The following EFR3A variants were observed in gnomAD, a reference collection of about 807,000 sequenced individuals.
The protein encoded by EFR3A is protein EFR3 homolog A.
EFR3A carries 76 observed loss-of-function variants against 104.4 expected under a neutral mutation model. That is an observed-to-expected ratio of 0.73 (90% CI 0.60 to 0.88). The LOEUF is 0.88. Among genes scored for constraint, EFR3A ranks in the 40% least tolerant of loss-of-function variants. The pLI is 0.00. For synonymous variants in EFR3A, 330 were observed against 330.0 expected (o/e 1.00, Z 0.00); for missense variants, 985 against 1,012.5 (o/e 0.97, Z 0.37).
At chr8:131,921,955 G>A (rs1817055342) in intron 1 of EFR3A, among the ~76,000 whole-genome samples, 1 of 152,186 alleles carries the variant, frequency 6.6e-6, no homozygotes, top group Admixed American at 6.5e-5. Context: ...AGCACAAACT[G>A]GGTGGCTTAA....
In EFR3A at chr8:131,987,650, A is replaced by C; in HGVS notation, c.2013A>C (p.Gly671=). The change falls in exon 18 of 23, where the codon GGA becomes GGC. Residue 671 remains glycine (G), a synonymous_variant. Transcript: ENST00000254624. ...ACAAGATTGCAGAGTCGCTAGGTGG[A>C]AGTGGATATAGTGTTGAGAGATTGT... ...LTNKIAESLG[G]SGYSVERLSV... 1 of 1,597,290 alleles carries C rather than the reference A, an allele frequency of 6.3e-7. No individual in the cohort carries two copies. Among genetic ancestry groups the C allele is most frequent in the Non-Finnish European group, 8.5e-7 (1 of 1,170,820 alleles).
At position 132,003,242 on chromosome 8, in the gene EFR3A, T is replaced by A. The variant is rs1256323601; in HGVS notation, c.2317T>A (p.Leu773Met). Residue 773 changes from leucine (L) to methionine (M), a missense_variant, in exon 22 of 23, where the codon TTG becomes ATG. Leu to Met is a conservative substitution (Grantham distance 15). Transcript: ENST00000254624. ...ATTTTTTTCTTTTTTGCAGGCAAATTTGCTTCATGATAGACTTGCCCAAAT... is the reference window on the plus strand; with the variant it reads ...ATTTTTTTCTTTTTTGCAGGCAAATATGCTTCATGATAGACTTGCCCAAAT... Reference protein sequence around the residue: ...IAAQCESKANLLHDRLAQILE... With the variant: ...IAAQCESKANMLHDRLAQILE... 1 of 1,612,562 alleles carries A rather than the reference T, an allele frequency of 6.2e-7. No individual in the cohort carries two copies. The highest frequency in any genetic ancestry group is 8.5e-7 in the Non-Finnish European group (1 of 1,179,208).
At chr8:131,938,791 A>AG (rs1276354572) in intron 1 of EFR3A, among the ~76,000 whole-genome samples, 1 of 152,146 alleles carries the variant, frequency 6.6e-6, no homozygotes, top group Non-Finnish European at 1.5e-5. Flanking sequence ...GATCCTCCCC[A>AG]GCTGGGTGTT....
At chr8:132,002,579 A>G (rs2130805905) in intron 20 of EFR3A, 24 bp from the exon 21 acceptor site, 1 of 1,568,012 alleles carries the variant, frequency 6.4e-7, no homozygotes, top group Non-Finnish European at 8.8e-7. Flanking sequence ...TCCCTTTAAT[A>G]AGTCTTTATA....
chr8:131,955,862 G>T lies in EFR3A; in HGVS notation c.733G>T (p.Ala245Ser). 6.2e-7 allele frequency: 1 copy of T among 1,613,476 alleles called. No homozygotes were observed. Residue 245 changes from alanine to serine, a missense_variant, in exon 7 of 23, where the codon GCA becomes TCA. Transcript: ENST00000254624. ...ENCFRELLGR[A>S]TFGNMNNAVR... is the part of the protein sequence containing the mutation. Reference sequence around the variant, plus strand: ...CTGTTTCAGAGAACTGCTGGGTCGAGCAACTTTTGGGAATATGAATAATGC... The same window carrying T: ...CTGTTTCAGAGAACTGCTGGGTCGATCAACTTTTGGGAATATGAATAATGC...
At chr8:131,971,637 G>A (rs564640643) in intron 10 of EFR3A, among the ~76,000 whole-genome samples, 4 of 151,036 alleles carry the variant, frequency 2.6e-5, no homozygotes, top group East Asian at 2.0e-4. Context: ...GCAGTGAGCC[G>A]AGATGGCGCC....
intron 8 of EFR3A, among the ~76,000 whole-genome samples, chr8:131,962,357 G>A (rs1049231917): frequency 1.3e-5 from 2 of 152,174 alleles, no homozygotes; most frequent in African/African-American, 2.4e-5. Flanking sequence ...ATAAAGGGAT[G>A]GAGGAAGATC....
At chr8:131,973,971 G>T (rs1820202476) in intron 10 of EFR3A, among the ~76,000 whole-genome samples, 1 of 152,000 alleles carries the variant, frequency 6.6e-6, no homozygotes, top group Admixed American at 6.6e-5. Flanking sequence ...TTATTTTTAG[G>T]TCTTTAATAG....
rs1336260468 is a variant in EFR3A at position 131,970,473 on chromosome 8, T to C, written c.992-3T>C. 1 of 1,612,916 alleles carries C rather than the reference T, an allele frequency of 6.2e-7. No homozygotes were observed. The highest frequency in any genetic ancestry group is 8.5e-7 in the Non-Finnish European group (1 of 1,179,316). ...ATCTTCTCACATAAGTGATCCTTTA[T>C]AGGTCCGACAGTGCTGGAAGTCTTC... On this transcript the variant is annotated splice_polypyrimidine_tract_variant and splice_region_variant and intron_variant, in intron 9 of 22. Transcript: ENST00000254624.
intron 7 of EFR3A, among the ~76,000 whole-genome samples, chr8:131,956,299 A>G (rs993780211): frequency 2.0e-5 from 3 of 152,090 alleles, no homozygotes; most frequent in African/African-American, 4.8e-5. Flanking sequence ...TCTTTTTGCC[A>G]TGGCTGGGCT....
intron 19 of EFR3A, among the ~76,000 whole-genome samples, chr8:131,998,502 A>G (rs111439812): frequency 0.015 from 2,220 of 152,136 alleles, 64 homozygotes; most frequent in African/African-American, 0.049. Context: ...CCCTAAACTC[A>G]AATTGTTACT....
At chr8:131,963,169 G>C (rs1032556105) in intron 8 of EFR3A, among the ~76,000 whole-genome samples, 14 of 152,144 alleles carry the variant, frequency 9.2e-5, no homozygotes, top group African/African-American at 3.4e-4. Flanking sequence ...AACTAGAGAA[G>C]CAAGAGCAAA....
At chr8:132,002,780 A>G (rs950430588) in intron 21 of EFR3A, 74 bp downstream of exon 21, 7 of 1,218,726 alleles carry the variant, frequency 5.7e-6, no homozygotes, top group African/African-American at 4.5e-5. Flanking sequence ...TGATTAGTTG[A>G]TAAGTTCCAA....
chr8:131,957,570 G>A (rs1170547570), intron 7 of EFR3A, among the ~76,000 whole-genome samples: 2 of 152,004 alleles, frequency 1.3e-5, no homozygotes, highest in Non-Finnish European at 1.5e-5. Flanking sequence ...GGCTGGTCTC[G>A]AGCTCCCAAC....
intron 1 of EFR3A, among the ~76,000 whole-genome samples, chr8:131,909,047 A>G (rs1369964463): frequency 6.6e-6 from 1 of 152,200 alleles, no homozygotes; most frequent in Non-Finnish European, 1.5e-5. Flanking sequence ...GTTATTAACT[A>G]TAGTCATCCT....
intron 1 of EFR3A, among the ~76,000 whole-genome samples, chr8:131,905,471 T>G (rs972354947): frequency 1.3e-5 from 2 of 152,196 alleles, no homozygotes; most frequent in African/African-American, 4.8e-5. Flanking sequence ...TTTTTGAGAT[T>G]TAAAGATTTT....
rs971737819 is a variant in EFR3A at position 132,013,090 on chromosome 8, G to A, written c.*2195G>A. ...TTCTGCAGGAACTGGGTGTGCACAC[G>A]GTGTTGTAGCCAGTTCAGGTACTGA... On this transcript the variant is annotated 3_prime_UTR_variant, in exon 23 of 23. Transcript: ENST00000254624. 4 of 152,142 alleles carry A rather than the reference G, an allele frequency of 2.6e-5. No individual in the cohort carries two copies. Among genetic ancestry groups the A allele is most frequent in the Admixed American group, 6.5e-5 (1 of 15,274 alleles). The allele number at this position is 152,142 out of a possible 1,614,324, so 9.4% of individuals were successfully genotyped here.
At chr8:131,948,122 A>G (rs1369237641) in intron 4 of EFR3A, among the ~76,000 whole-genome samples, 1 of 152,092 alleles carries the variant, frequency 6.6e-6, no homozygotes, top group East Asian at 1.9e-4. Context: ...TCAGAGTTTT[A>G]ATAAAAAAAA....
Position 132,012,772 on chromosome 8 carries a change from T to A in EFR3A, c.*1877T>A, listed in dbSNP as rs537890464. 1 of 152,360 alleles carries A rather than the reference T, an allele frequency of 6.6e-6. No individual in the cohort carries two copies. The highest frequency in any genetic ancestry group is 2.1e-4 in the South Asian group (1 of 4,824). The allele number at this position is 152,360 out of a possible 1,614,324, so 9.4% of individuals were successfully genotyped here. ...ATATATAATTTAATAGTATAAAAAA[T>A]AAAATATATATTCATTTGCACTTAC... is the stretch of plus-strand genomic sequence containing the variant. On this transcript the variant is annotated 3_prime_UTR_variant, in exon 23 of 23. Transcript: ENST00000254624.
Sources: allele counts gnomAD v4.1 joint callset (sites outside exome capture counted in the v4.1 genomes callset), GRCh38; gene constraint gnomAD v4.1.1; transcripts MANE v1.5; gene names NCBI Gene and HGNC (gene_info 2026-07-23, HGNC 2026-07-21).